Variants in UNK observed in about 807,000 individuals in gnomAD.
UNK encodes RING finger protein unkempt homolog.
In UNK, 32 loss-of-function variants were observed where a neutral mutation model predicts 97.6. The observed-to-expected ratio is 0.33, with a 90% confidence interval of 0.25 to 0.44. The LOEUF is 0.44. UNK is among the 20% of genes least tolerant of loss of function. The pLI, the probability that UNK is intolerant of heterozygous loss-of-function variation, is 1.00. For missense variants in UNK, 771 were observed against 1,098.4 expected (o/e 0.70, Z 4.21); for synonymous variants, 441 against 461.2 (o/e 0.96, Z 0.56).
intron 1 of UNK, among the ~76,000 whole-genome samples, chr17:75,800,570 C>G (rs1295090566): frequency 6.6e-6 from 1 of 150,914 alleles, no homozygotes; most frequent in Non-Finnish European, 1.5e-5. Context: ...AACCCCGCCT[C>G]TCCTAAAAAT....
intron 1 of UNK, among the ~76,000 whole-genome samples, chr17:75,787,239 A>G (rs2061720843): frequency 6.6e-6 from 1 of 151,944 alleles, no homozygotes. Context: ...TTTTTAAGAT[A>G]GGGTCTCTGT....
rs1048274089 is a variant in UNK, at chr17:75,824,185, G to C, written c.2278-77G>C. 3.5e-6 allele frequency: 5 copies of C among 1,447,872 alleles called. No individual in the cohort carries two copies. Among genetic ancestry groups the C allele is most frequent in the Admixed American group, 2.3e-5 (1 of 42,932 alleles). 89.7% of individuals were successfully genotyped at this position (1,447,872 alleles called of 1,614,324 possible). A position where few individuals can be genotyped will look rare whatever the true frequency, so the allele number is the denominator to read the frequency against. Reference sequence around the variant, plus strand: ...AGTTTTCCCATCCCAAGGGGCTGCAGTGAGGATCAAGGGAACTCCTCGCTC... The same window carrying C: ...AGTTTTCCCATCCCAAGGGGCTGCACTGAGGATCAAGGGAACTCCTCGCTC... On this transcript the variant is annotated intron_variant, in intron 15 of 15. Transcript: ENST00000589666. This position sits in a 1 kb window ranked among gnomAD's most constrained non-coding sequence, Gnocchi z 4.9.
chr17:75,812,575 T>A lies in UNK; in HGVS notation c.612T>A (p.Pro204=), dbSNP rs1261045145. ...TAGAAAAGATCCTCAGCGAGGAGCC[T>A]CGGTGGCAAGGTACAGGCATCCACA... is the stretch of plus-strand genomic sequence containing the variant. ...AMIEKILSEE[P]RWQETAYVLG... Residue 204 remains proline, a synonymous_variant, in exon 4 of 16, where the codon CCT becomes CCA. Transcript: ENST00000589666. The A allele has an allele frequency of 6.2e-7, 1 of 1,612,860 alleles. No individual in the cohort carries two copies. The highest frequency in any genetic ancestry group is 1.3e-5 in the African/African-American group (1 of 74,888).
At chr17:75,799,857 C>T (rs1008667946) in intron 1 of UNK, among the ~76,000 whole-genome samples, 1 of 152,084 alleles carries the variant, frequency 6.6e-6, no homozygotes, top group African/African-American at 2.4e-5. Flanking sequence ...GCGCAGAGGT[C>T]ACCTGTAATC....
chr17:75,818,657 C>T lies in UNK; in HGVS notation c.1387C>T (p.Leu463Phe). ...LQPKQDMLGI[L>F]PAGSPLTSSI... The stretch of plus-strand genomic sequence containing the variant: ...CTCGTTGCAGGACATGCTGGGCATC[C>T]TCCCCGCAGGCAGCCCCCTGACCTC... Residue 463 changes from leucine (L) to phenylalanine (F), a missense_variant, in exon 11 of 16, where the codon CTC becomes TTC. By Grantham distance (22) the Leu-to-Phe change is conservative (BLOSUM62 0). Around this residue, in one of 5 missense-constraint regions of UNK, gnomAD observed 192 missense variants for 202.4 expected, o/e 0.95. Coordinates refer to ENST00000589666, the MANE Select transcript of UNK (RefSeq NM_001080419.3). This position sits in a 1 kb window ranked among gnomAD's most constrained non-coding sequence, Gnocchi z 5.1. 1 of 1,596,390 alleles carries T rather than the reference C, an allele frequency of 6.3e-7. No homozygotes were observed. Among genetic ancestry groups the T allele is most frequent in the Non-Finnish European group, 8.5e-7 (1 of 1,170,170 alleles).
chr17:75,786,708 T>G (rs947285174), intron 1 of UNK, among the ~76,000 whole-genome samples: 1 of 152,016 alleles, frequency 6.6e-6, no homozygotes, highest in African/African-American at 2.4e-5. Flanking sequence ...ATACAAAAAA[T>G]TAGCTGGGTG....
At chr17:75,790,767 C>T (rs974060847) in intron 1 of UNK, among the ~76,000 whole-genome samples, 1 of 151,636 alleles carries the variant, frequency 6.6e-6, no homozygotes, top group Non-Finnish European at 1.5e-5. Context: ...TCCATCTCTA[C>T]TAAAAATACA....
intron 1 of UNK, chr17:75,785,246 C>T (rs1467018249): frequency 2.2e-5 from 10 of 451,788 alleles, no homozygotes; most frequent in African/African-American, 4.2e-5. Flanking sequence ...AGTGCACTCT[C>T]CCTAGGCCAG....
rs2061992427 is a variant in UNK at position 75,813,853 on chromosome 17, G to A, written c.851G>A (p.Arg284His). The A allele has an allele frequency of 2.5e-6, 4 of 1,592,226 alleles. No homozygotes were observed. Among genetic ancestry groups the A allele is most frequent in the African/African-American group, 1.3e-5 (1 of 74,638 alleles). Residue 284 changes from arginine (R) to histidine (H), a missense_variant, in exon 6 of 16, where the codon CGC (arginine) becomes CAC (histidine). This residue lies in a region of UNK where 246 missense variants were observed against 440.7 expected (regional missense o/e 0.56). Transcript: ENST00000589666. ...GACGCCTGCCAGTACTGCCACACCC[G>A]CACCGAGCAGCAGTTCCACCCCGAG... is the stretch of plus-strand genomic sequence containing the variant. ...NGDACQYCHTRTEQQFHPEIY... is the reference protein window; with the variant it reads ...NGDACQYCHTHTEQQFHPEIY...
intron 2 of UNK, 29 bp downstream of exon 2, chr17:75,809,998 G>A (rs1186973876): frequency 3.1e-6 from 5 of 1,610,724 alleles, no homozygotes; most frequent in African/African-American, 1.3e-5. Context: ...CCTCAGAGGA[G>A]CCCCGTGTCT....
chr17:75,790,399 G>A (rs1429082681), intron 1 of UNK, among the ~76,000 whole-genome samples: 1 of 152,184 alleles, frequency 6.6e-6, no homozygotes, highest in African/African-American at 2.4e-5. Context: ...GGGAAGCTGA[G>A]GCAGGAGGAT....
rs531187173 is a variant in UNK, at chr17:75,813,296, C to G, written c.758+83C>G. 4 of 1,474,672 alleles carry G rather than the reference C, an allele frequency of 2.7e-6. No homozygotes were observed. The East Asian group carries it at 7.5e-5, about 28-fold the overall frequency. The allele number at this position is 1,474,672 out of a possible 1,614,324, so 91.3% of individuals were successfully genotyped here. A position where few individuals can be genotyped will look rare whatever the true frequency, so the allele number is the denominator to read the frequency against. ...GCAGAGGCTGCTCCCACTGGCTCTCCGGGAGGAGGGGAGGCTGGTCCTGGG... is the reference window on the plus strand; with the variant it reads ...GCAGAGGCTGCTCCCACTGGCTCTCGGGGAGGAGGGGAGGCTGGTCCTGGG... On this transcript the variant is annotated intron_variant, in intron 5 of 15. Transcript: ENST00000589666.
At chr17:75,801,318 G>T (rs937223518) in intron 1 of UNK, among the ~76,000 whole-genome samples, 1 of 152,054 alleles carries the variant, frequency 6.6e-6, no homozygotes, top group African/African-American at 2.4e-5. Context: ...GTGGCATGTG[G>T]ATTATTTGTT....
intron 14 of UNK, 41 bp from the exon 15 acceptor site, chr17:75,823,224 G>T: frequency 6.4e-7 from 1 of 1,551,916 alleles, no homozygotes; most frequent in South Asian, 1.2e-5. Context: ...GACAGGGGCA[G>T]GGCAGGGCCA....
In UNK at chr17:75,825,156, CAG is replaced by C. The variant is rs943374449; in HGVS notation, c.*740_*741del. Reference sequence around the variant, plus strand: ...TTGAAGCTCCTTGAGGGGCAAGGCCCAGGAGTTCCAGCCCTCAGGTTCCTGAG... The same window carrying C: ...TTGAAGCTCCTTGAGGGGCAAGGCCCGAGTTCCAGCCCTCAGGTTCCTGAG... On this transcript the variant is annotated 3_prime_UTR_variant, in exon 16 of 16. Coordinates refer to ENST00000589666, the MANE Select transcript of UNK (RefSeq NM_001080419.3). This position sits in a 1 kb window ranked among gnomAD's most constrained non-coding sequence, Gnocchi z 4.4. The C allele has an allele frequency of 1.1e-4, 16 of 152,244 alleles. No individual in the cohort carries two copies. The highest frequency in any genetic ancestry group is 3.4e-4 in the African/African-American group (14 of 41,538). The allele number at this position is 152,244 out of a possible 1,614,324, so 9.4% of individuals were successfully genotyped here. A position where few individuals can be genotyped will look rare whatever the true frequency, so the allele number is the denominator to read the frequency against.
At chr17:75,815,461 G>C (rs539890116) in intron 7 of UNK, among the ~76,000 whole-genome samples, 1 of 152,356 alleles carries the variant, frequency 6.6e-6, no homozygotes, top group Admixed American at 6.5e-5. Context: ...AAAGTAGTGA[G>C]ATAGAGACTG....
intron 14 of UNK, among the ~76,000 whole-genome samples, chr17:75,822,947 A>G (rs2062082582): frequency 1.3e-5 from 2 of 152,058 alleles, no homozygotes; most frequent in African/African-American, 4.8e-5. Flanking sequence ...TTTCAAGTCC[A>G]AGGTTCTGGG....
At chr17:75,794,135 AAG>A (rs1186610992) in intron 1 of UNK, 1 of 977,930 alleles carries the variant, frequency 1.0e-6, no homozygotes, top group Non-Finnish European at 1.2e-6. Context: ...CTATTGAAGT[AAG>A]AGTACTTTAT....
At chr17:75,800,286 G>T (rs1274612505) in intron 1 of UNK, among the ~76,000 whole-genome samples, 1 of 151,960 alleles carries the variant, frequency 6.6e-6, no homozygotes, top group Non-Finnish European at 1.5e-5. Context: ...GCCCAGGCTG[G>T]TCTCCAATTC....
Sources: gnomAD v4.1 joint callset for allele counts (sites outside exome capture counted in the v4.1 genomes callset) on GRCh38, gnomAD v4.1.1 for gene constraint, gnomAD v4.1.1 regional missense constraint, Gnocchi (gnomAD v3.1) non-coding constraint, MANE v1.5 for transcripts, NCBI Gene and HGNC (gene_info 2026-07-23, HGNC 2026-07-21) for gene names.